DMXL2: variants seen among roughly 807,000 people sequenced by gnomAD.
DMXL2 encodes dmX-like protein 2.
In DMXL2, 103 loss-of-function variants were observed where a neutral mutation model predicts 331.1. The ratio of observed to expected loss-of-function variants is 0.31; its 90% confidence interval spans 0.27 to 0.37. The LOEUF is 0.37. DMXL2 is among the 10% of genes least tolerant of loss of function. DMXL2 has a pLI of 1.00. For missense variants in DMXL2, 3,171 were observed against 3,642.9 expected (o/e 0.87, Z 3.33); for synonymous variants, 1,281 against 1,252.1 (o/e 1.02, Z -0.49).
At chr15:51,619,566 G>A (rs776555383) in intron 1 of DMXL2, among the ~76,000 whole-genome samples, 16 of 152,038 alleles carry the variant, frequency 1.1e-4, no homozygotes, top group Non-Finnish European at 1.8e-4. Flanking sequence ...AACCAATCAC[G>A]CCACCCACCA....
At chr15:51,517,021 A>G in intron 14 of DMXL2, 57 bp downstream of exon 14, 1 of 1,368,654 alleles carries the variant, frequency 7.3e-7, no homozygotes, top group Non-Finnish European at 1.0e-6. Context: ...TCATATACAT[A>G]TAAAACACCA....
chr15:51,499,289 A>G lies in DMXL2; in HGVS notation c.3935T>C (p.Val1312Ala), dbSNP rs142580160. ...KSNMLARKSVVEGTAISDDVF... is the reference protein window; with the variant it reads ...KSNMLARKSVAEGTAISDDVF... ...ATCATCAGAAATAGCTGTTCCTTCA[A>G]CAACACTTTTTCTTGCCAGCATATT... is the stretch of plus-strand genomic sequence containing the variant. Residue 1312 changes from valine to alanine, a missense_variant, in exon 18 of 44, where the codon GTT becomes GCT. Physicochemically the swap from Val to Ala is moderately conservative, Grantham distance 64. Around this residue, in one of 7 missense-constraint regions of DMXL2, gnomAD observed 1,674 missense variants for 1,780.2 expected, o/e 0.94. Transcript: ENST00000560891. 1,089 of 1,613,944 alleles carry G rather than the reference A, an allele frequency of 6.7e-4. 9 individuals are homozygous for G. The African/African-American group carries it at 0.013, about 20-fold the overall frequency.
rs2054730805 is a variant in DMXL2, at chr15:51,622,596, G to C, written c.-51C>G. ...GCGCGGGAGGTGCGACAAGCTCCGC[G>C]CCTGACCCTCCTCGGGCTGCGAGAG... On this transcript the variant is annotated 5_prime_UTR_variant, in exon 1 of 44. Coordinates refer to ENST00000560891, the MANE Select transcript of DMXL2 (RefSeq NM_001378457.1). 6.6e-7 allele frequency: 1 copy of C among 1,519,504 alleles called. No homozygotes were observed. The highest frequency in any genetic ancestry group is 8.9e-7 in the Non-Finnish European group (1 of 1,129,338). 94.1% of individuals were successfully genotyped at this position (1,519,504 alleles called of 1,614,324 possible).
Position 51,457,291 on chromosome 15 carries a change from CAAATCCAGAAATGATACCTATAAGT to C in DMXL2, c.8337+12_8337+36del. 1.3e-6 allele frequency: 2 copies of C among 1,595,668 alleles called. No individual in the cohort carries two copies. The highest frequency in any genetic ancestry group is 2.3e-5 in the South Asian group (2 of 87,864). ...AGATTCCAACTGATTTTTCAGAGTC[CAAATCCAGAAATGATACCTATAAGT>C]AAATAACATACCACACTAGCTCCAG... On this transcript the variant is annotated intron_variant, in intron 37 of 43. Transcript: ENST00000560891.
intron 1 of DMXL2, among the ~76,000 whole-genome samples, chr15:51,610,674 A>C (rs1291328229): frequency 6.6e-6 from 1 of 151,982 alleles, no homozygotes; most frequent in Non-Finnish European, 1.5e-5. Context: ...AGGCTAAGGC[A>C]GGAGAATGGC....
intron 1 of DMXL2, among the ~76,000 whole-genome samples, chr15:51,577,410 T>C (rs1321489159): frequency 2.0e-5 from 3 of 152,174 alleles, no homozygotes; most frequent in Non-Finnish European, 4.4e-5. Flanking sequence ...ATAACCACTA[T>C]ATAAAACATC....
At chr15:51,471,764 T>A (rs928131214) in intron 28 of DMXL2, among the ~76,000 whole-genome samples, 1 of 152,212 alleles carries the variant, frequency 6.6e-6, no homozygotes, top group East Asian at 1.9e-4. Flanking sequence ...AATTTAATAG[T>A]GTGCCTTAAA....
rs1207656983 is a variant in DMXL2 at position 51,536,254 on chromosome 15, T to C, written c.2226A>G (p.Val742=). The part of the protein sequence containing the change: ...PIGPLSYTGG[V]SELARINSLH... ...AAGAGTTAATTCGAGCCAATTCTGA[T>C]ACTCCTCCAGTGTATGACAAAGGTC... Residue 742 remains valine, a synonymous_variant, in exon 12 of 44, where the codon GTA becomes GTG. Transcript: ENST00000560891. 1 of 1,613,840 alleles carries C rather than the reference T, an allele frequency of 6.2e-7. No homozygotes were observed. Among genetic ancestry groups the C allele is most frequent in the East Asian group, 2.2e-5 (1 of 44,894 alleles).
intron 13 of DMXL2, among the ~76,000 whole-genome samples, chr15:51,517,859 T>G (rs2047122978): frequency 6.6e-6 from 1 of 152,154 alleles, no homozygotes; most frequent in African/African-American, 2.4e-5. Flanking sequence ...GCATATACAC[T>G]GGAGTTGTAG....
intron 22 of DMXL2, 34 bp from the exon 23 acceptor site, chr15:51,486,371 AATG>A (rs1273154395): frequency 7.1e-7 from 1 of 1,415,086 alleles, no homozygotes; most frequent in Non-Finnish European, 9.8e-7. Context: ...TATCTTACTT[AATG>A]ATAATTATTT....
intron 23 of DMXL2, 118 bp downstream of exon 23, chr15:51,485,955 A>C (rs2042363651): frequency 9.3e-7 from 1 of 1,073,838 alleles, no homozygotes; most frequent in Admixed American, 3.0e-5. Context: ...TTTAATAATA[A>C]ATTCTCAAAG....
At chr15:51,506,696 G>T (rs1044561747) in intron 16 of DMXL2, among the ~76,000 whole-genome samples, 1 of 151,316 alleles carries the variant, frequency 6.6e-6, no homozygotes, top group Non-Finnish European at 1.5e-5. Flanking sequence ...CTCGTGATCC[G>T]CCCACCTCGG....
rs771067119 is a variant in DMXL2, at chr15:51,622,588, A to G, written c.-43T>C. 2.0e-6 allele frequency: 3 copies of G among 1,530,214 alleles called. No individual in the cohort carries two copies. Among genetic ancestry groups the G allele is most frequent in the South Asian group, 2.4e-5 (2 of 82,344 alleles). The allele number at this position is 1,530,214 out of a possible 1,614,324, so 94.8% of individuals were successfully genotyped here. ...GACAGAATGCGCGGGAGGTGCGACA[A>G]GCTCCGCGCCTGACCCTCCTCGGGC... On this transcript the variant is annotated 5_prime_UTR_variant, in exon 1 of 44. Transcript: ENST00000560891.
At chr15:51,511,985 G>A (rs1722487066) in intron 15 of DMXL2, among the ~76,000 whole-genome samples, 1 of 152,076 alleles carries the variant, frequency 6.6e-6, no homozygotes, top group Admixed American at 6.5e-5. Context: ...AGTGGGAGTT[G>A]AACAATGAGA....
intron 6 of DMXL2, among the ~76,000 whole-genome samples, chr15:51,560,984 T>C (rs1188760088): frequency 8.6e-6 from 1 of 115,782 alleles, no homozygotes; most frequent in African/African-American, 2.9e-5. Flanking sequence ...TATGAAATAT[T>C]TTGTAATTTA....
At chr15:51,537,109 T>G (rs867940988) in intron 11 of DMXL2, among the ~76,000 whole-genome samples, 1 of 152,262 alleles carries the variant, frequency 6.6e-6, no homozygotes, top group Middle Eastern at 3.4e-3. Flanking sequence ...CAGATCTAAA[T>G]AGCAATAAAG....
chr15:51,549,877 T>C lies in DMXL2; in HGVS notation c.568-2469A>G, dbSNP rs557281634. 6.6e-5 allele frequency among the ~76,000 whole-genome samples: 10 copies of C among 152,260 alleles called. No individual in the cohort carries two copies. In the South Asian group the frequency reaches 1.9e-3, roughly 28 times the overall value. ...GGATATTAGTCCTTTGTCAGATGTA[T>C]AGATCATGAAGATTTTCTCCCACTC... On this transcript the variant is annotated intron_variant, in intron 6 of 43. Transcript: ENST00000560891.
chr15:51,576,238 T>TCTTATTA (rs2051034655), intron 1 of DMXL2, 57 bp from the exon 2 acceptor site: 1 of 1,237,544 alleles, frequency 8.1e-7, no homozygotes, highest in Non-Finnish European at 1.1e-6. Flanking sequence ...ACTTTTGAAA[T>TCTTATTA]CTTATTACAT....
In DMXL2 at chr15:51,499,364, C is replaced by A. The variant is rs78240149; in HGVS notation, c.3860G>T (p.Ser1287Ile). 3,400 of 1,613,858 alleles carry A rather than the reference C, an allele frequency of 2.1e-3. 92 individuals are homozygous for A. The East Asian group carries it at 0.056, about 27-fold the overall frequency. The change falls in exon 18 of 44, where the codon AGT becomes ATT. Residue 1287 changes from serine (S) to isoleucine (I), a missense_variant. Around this residue, in one of 7 missense-constraint regions of DMXL2, gnomAD observed 1,674 missense variants for 1,780.2 expected, o/e 0.94. Transcript: ENST00000560891. ...AVKFGDTEAD[S>I]SNAEEAAMQD... ...CATTGCTGCCTCTTCTGCATTAGAACTATCAGCTTCAGTGTCTCCAAATTT... is the reference window on the plus strand; with the variant it reads ...CATTGCTGCCTCTTCTGCATTAGAAATATCAGCTTCAGTGTCTCCAAATTT...
Sources: allele counts gnomAD v4.1 joint callset (sites outside exome capture counted in the v4.1 genomes callset), GRCh38; gene constraint gnomAD v4.1.1; regional missense constraint gnomAD v4.1.1; transcripts MANE v1.5; gene names NCBI Gene and HGNC (gene_info 2026-07-23, HGNC 2026-07-21).